OVGP1: variants seen among roughly 807,000 people sequenced by gnomAD.
OVGP1 encodes oviduct-specific glycoprotein.
Under a neutral mutation model 48.2 loss-of-function variants are expected in OVGP1, and 26 were observed. The observed-to-expected ratio is 0.54, with a 90% CI of 0.40 to 0.75. The LOEUF (loss-of-function observed/expected upper bound fraction) is 0.75, where lower values mean the gene tolerates loss of function less well. Ranked by LOEUF, OVGP1 falls within the 30% of genes least tolerant of loss-of-function variation. OVGP1 has a pLI of 0.00. For synonymous variants in OVGP1, 294 were observed against 305.7 expected (o/e 0.96, Z 0.40); for missense variants, 791 against 820.6 (o/e 0.96, Z 0.44).
chr1:111,420,972 G>A (rs1212820412), intron 8 of OVGP1, among the ~76,000 whole-genome samples: 1 of 152,112 alleles, frequency 6.6e-6, no homozygotes, highest in Non-Finnish European at 1.5e-5. Context: ...AAATATTAAT[G>A]ATTTTTATTT....
chr1:111,423,472 C>T (rs892609837), intron 5 of OVGP1, 71 bp downstream of exon 5: 17 of 1,510,734 alleles, frequency 1.1e-5, no homozygotes, highest in Non-Finnish European at 1.5e-5. Flanking sequence ...TTATGCTCTT[C>T]TCCTGCCATA....
rs758993645 is a variant in OVGP1 at position 111,414,741 on chromosome 1, C to T, written c.1760G>A (p.Gly587Glu). ...CTCCCCTCTTAAAGGCATAGTCTGC[C>T]CTTCAGGGGTGACTGATATGTTTCT... ...PSRNISVTPE[G>E]QTMPLRGENL... The change falls in exon 11 of 11, where the codon GGG (glycine) becomes GAG (glutamate). Residue 587 changes from glycine (G) to glutamate (E), a missense_variant. Coordinates refer to ENST00000369732, the MANE Select transcript of OVGP1 (RefSeq NM_002557.4). 1.2e-6 allele frequency: 2 copies of T among 1,612,164 alleles called. No homozygotes were observed. Among genetic ancestry groups the T allele is most frequent in the East Asian group, 4.5e-5 (2 of 44,798 alleles).
chr1:111,427,027 C>G, intron 2 of OVGP1, 35 bp downstream of exon 2: 1 of 1,614,046 alleles, frequency 6.2e-7, no homozygotes, highest in Non-Finnish European at 8.5e-7. Context: ...CAGAGACTCT[C>G]CCTGGCTCTG....
rs1652101703 is a variant in OVGP1, at chr1:111,415,217, T to C, written c.1284A>G (p.Gly428=). The change falls in exon 11 of 11, where the codon GGA becomes GGG. Residue 428 remains glycine (G), a synonymous_variant. Transcript: ENST00000369732. ...CGTGGATCTCAGTGACCCCAGCCTC[T>C]CCTCCTGGGGGCAAAATCTTACTAT... ...TTDSKILPPG[G]EAGVTEIHGK... is the part of the protein sequence containing the mutation. 2 of 1,614,064 alleles carry C rather than the reference T, an allele frequency of 1.2e-6. No individual in the cohort carries two copies. The highest frequency in any genetic ancestry group is 1.7e-6 in the Non-Finnish European group (2 of 1,180,036).
intron 3 of OVGP1, 158 bp from the exon 4 acceptor site, chr1:111,425,597 A>T: frequency 7.4e-7 from 1 of 1,344,036 alleles, no homozygotes; most frequent in Non-Finnish European, 1.0e-6. Flanking sequence ...GAGAGAGATG[A>T]TGAGCACAGG....
At chr1:111,423,739 C>T (rs200653155) in intron 4 of OVGP1, 31 bp from the exon 5 acceptor site, 3 of 1,602,864 alleles carry the variant, frequency 1.9e-6, no homozygotes, top group Non-Finnish European at 2.6e-6. Flanking sequence ...AGGCAAAGAA[C>T]TCTATCCACA....
At position 111,421,682 on chromosome 1, in the gene OVGP1, G is replaced by A; in HGVS notation, c.609-9C>T. The A allele has an allele frequency of 2.0e-6, 3 of 1,536,012 alleles. No homozygotes were observed. The highest frequency in any genetic ancestry group is 1.8e-6 in the Non-Finnish European group (2 of 1,109,050). On this transcript the variant is annotated splice_polypyrimidine_tract_variant and intron_variant, in intron 6 of 10. Transcript: ENST00000369732. Reference sequence around the variant, plus strand: ...TGATGAAATCCAGGAGTCTGTAAGGGGCAGGAGGAAGAGATATAAAGACTG... The same window carrying A: ...TGATGAAATCCAGGAGTCTGTAAGGAGCAGGAGGAAGAGATATAAAGACTG...
Position 111,421,594 on chromosome 1 carries a change from A to C in OVGP1, c.688T>G (p.Phe230Val). The C allele has an allele frequency of 6.2e-7, 1 of 1,613,098 alleles. No homozygotes were observed. Among genetic ancestry groups the C allele is most frequent in the Non-Finnish European group, 8.5e-7 (1 of 1,179,016 alleles). The change falls in exon 7 of 11, where the codon TTC becomes GTC. Residue 230 changes from phenylalanine (F) to valine (V), a missense_variant. Transcript: ENST00000369732. ...GATTTGGGGTCTTCAGGCAGAGAGA[A>C]GAGGGGGCTATTATGTCCTGTGAAC... ...ERFTGHNSPL[F>V]SLPEDPKSSA...
chr1:111,426,481 C>T lies in OVGP1; in HGVS notation c.216G>A (p.Gln72=), dbSNP rs762826498. The T allele has an allele frequency of 3.8e-5, 61 of 1,614,048 alleles. No homozygotes were observed. Among genetic ancestry groups the T allele is most frequent in the Non-Finnish European group, 5.1e-5 (60 of 1,180,032 alleles). The change falls in exon 3 of 11, where the codon CAG becomes CAA. Residue 72 remains glutamine (Q), a synonymous_variant. Coordinates refer to ENST00000369732, the MANE Select transcript of OVGP1 (RefSeq NM_002557.4). ...ACTCTGGGTAGAGAATTTTCTCATC[C>T]TGGAGATCCTTAGCAACAATCTGAT... ...NNNQIVAKDL[Q]DEKILYPEFN...
At chr1:111,423,973 C>A (rs1652337939) in intron 4 of OVGP1, among the ~76,000 whole-genome samples, 1 of 152,230 alleles carries the variant, frequency 6.6e-6, no homozygotes, top group Admixed American at 6.5e-5. Flanking sequence ...GAACAGCAGG[C>A]ACAGAACCAA....
In OVGP1 at chr1:111,415,045, A is replaced by G; in HGVS notation, c.1456T>C (p.Ser486Pro). The G allele has an allele frequency of 6.2e-7, 1 of 1,613,310 alleles. No homozygotes were observed. Among genetic ancestry groups the G allele is most frequent in the Non-Finnish European group, 8.5e-7 (1 of 1,179,296 alleles). ...AMTMTSVGHQ[S>P]MTPGEKALTP... ...AGGGCCTTCTCTCCAGGGGTCATGG[A>G]CTGATGACCCACAGAAGTCATGGTC... is the stretch of plus-strand genomic sequence containing the variant. Residue 486 changes from serine (S) to proline (P), a missense_variant, in exon 11 of 11, where the codon TCC becomes CCC. Physicochemically the swap from Ser to Pro is moderately conservative, Grantham distance 74. Transcript: ENST00000369732.
In OVGP1 at chr1:111,422,932, T is replaced by C; in HGVS notation, c.603A>G (p.Leu201=). ...IVQTSYDVRF[L]GRLLDFINVL... is the part of the protein sequence containing the mutation. ...CCAAAGCAATATCCACTCACCTTCCTAGAAAGCGCACATCATAGGATGTTT... is the reference window on the plus strand; with the variant it reads ...CCAAAGCAATATCCACTCACCTTCCCAGAAAGCGCACATCATAGGATGTTT... Residue 201 remains leucine (L), a synonymous_variant, in exon 6 of 11, where the codon CTA becomes CTG. Coordinates refer to ENST00000369732, the MANE Select transcript of OVGP1 (RefSeq NM_002557.4). 6.2e-7 allele frequency: 1 copy of C among 1,613,940 alleles called. No homozygotes were observed. The highest frequency in any genetic ancestry group is 8.5e-7 in the Non-Finnish European group (1 of 1,179,948).
At chr1:111,417,626 C>G (rs1228551198) in intron 9 of OVGP1, among the ~76,000 whole-genome samples, 1 of 152,076 alleles carries the variant, frequency 6.6e-6, no homozygotes, top group Non-Finnish European at 1.5e-5. Context: ...TGTGTATACA[C>G]ACACACACAC....
intron 9 of OVGP1, 164 bp from the exon 10 acceptor site, chr1:111,416,622 T>C (rs1220918117): frequency 2.0e-6 from 1 of 496,864 alleles, no homozygotes; most frequent in East Asian, 3.3e-5. Flanking sequence ...TATGGGATCC[T>C]GAAGAAGTTA....
intron 9 of OVGP1, among the ~76,000 whole-genome samples, chr1:111,417,557 G>A (rs12059954): frequency 0.016 from 2,366 of 152,288 alleles, 78 homozygotes; most frequent in African/African-American, 0.054. Flanking sequence ...GTCTGAAACT[G>A]TGAAGTTTCT....
At chr1:111,421,779 CT>C (rs2101726542) in intron 6 of OVGP1, 106 bp from the exon 7 acceptor site, 2 of 704,534 alleles carry the variant, frequency 2.8e-6, no homozygotes, top group Non-Finnish European at 4.9e-6. Flanking sequence ...GTCACCAGAG[CT>C]TCCCTGCTCC....
Position 111,416,429 on chromosome 1 carries a change from C to T in OVGP1, c.1050G>A (p.Gly350=), listed in dbSNP as rs1285017525. 6.2e-7 allele frequency: 1 copy of T among 1,606,176 alleles called. No individual in the cohort carries two copies. The highest frequency in any genetic ancestry group is 8.5e-7 in the Non-Finnish European group (1 of 1,176,306). ...KAWFIRREHF[G]GAMVWTLDMD... ...TGTCCAATGTCCACACCATGGCCCC[C>T]CCAAAATGCTCTCGCCTTATAAACC... The change falls in exon 10 of 11, where the codon GGG becomes GGA. Residue 350 remains glycine, a synonymous_variant. Transcript: ENST00000369732.
At position 111,426,508 on chromosome 1, in the gene OVGP1, GTTGTTCA is replaced by G; in HGVS notation, c.182_188del (p.Met61ThrfsTer22). 1 of 1,614,196 alleles carries G rather than the reference GTTGTTCA, an allele frequency of 6.2e-7. No homozygotes were observed. The highest frequency in any genetic ancestry group is 1.3e-5 in the African/African-American group (1 of 75,054). Reference sequence around the variant, plus strand: ...GGAGATCCTTAGCAACAATCTGATTGTTGTTCATTGAGGCAAAGGCAAATATCAGGTG... The same window carrying G: ...GGAGATCCTTAGCAACAATCTGATTGTTGAGGCAAAGGCAAATATCAGGTG... On this transcript the variant is annotated frameshift_variant, in exon 3 of 11. Coordinates refer to ENST00000369732, the MANE Select transcript of OVGP1 (RefSeq NM_002557.4). LOFTEE classifies it high-confidence loss of function.
chr1:111,426,646 T>C lies in OVGP1; in HGVS notation c.56-5A>G. 6.2e-7 allele frequency: 1 copy of C among 1,613,014 alleles called. No individual in the cohort carries two copies. The highest frequency in any genetic ancestry group is 8.5e-7 in the Non-Finnish European group (1 of 1,179,464). The stretch of plus-strand genomic sequence containing the variant: ...ACACGAGTTTATGGGCAGCACCTGG[T>C]AAGGGAGAGCACACATTAGTTGGCA... On this transcript the variant is annotated splice_region_variant and splice_polypyrimidine_tract_variant and intron_variant, in intron 2 of 10. Coordinates refer to ENST00000369732, the MANE Select transcript of OVGP1 (RefSeq NM_002557.4).
Sources: gnomAD v4.1 joint callset for allele counts (sites outside exome capture counted in the v4.1 genomes callset) on GRCh38, gnomAD v4.1.1 for gene constraint, MANE v1.5 for transcripts, NCBI Gene and HGNC (gene_info 2026-07-23, HGNC 2026-07-21) for gene names.